Variants in CDK14 observed in about 807,000 individuals in gnomAD.
CDK14 encodes the protein cyclin-dependent kinase 14.
CDK14 carries 34 observed loss-of-function variants against 60.7 expected under a neutral mutation model. The observed-to-expected ratio is 0.56, with a 90% CI of 0.43 to 0.75. The LOEUF is 0.75. CDK14 is among the 30% of genes least tolerant of loss of function. CDK14 has a pLI of 0.00. For missense variants in CDK14, 482 were observed against 564.1 expected (o/e 0.85, Z 1.47); for synonymous variants, 197 against 203.7 (o/e 0.97, Z 0.28).
chr7:90,845,483 CTT>C (rs1790436735), intron 5 of CDK14, among the ~76,000 whole-genome samples: 1 of 148,960 alleles, frequency 6.7e-6, no homozygotes, highest in East Asian at 1.9e-4. Context: ...TTGAATTACT[CTT>C]GTTTTGGTTT....
intron 2 of CDK14, among the ~76,000 whole-genome samples, chr7:90,634,461 C>T (rs1209198135): frequency 1.3e-5 from 2 of 151,640 alleles, no homozygotes; most frequent in Admixed American, 6.6e-5. Flanking sequence ...AGGACATGAA[C>T]TCATCATTTT....
At chr7:91,202,115 C>A (rs568604032) in intron 14 of CDK14, among the ~76,000 whole-genome samples, 2 of 152,294 alleles carry the variant, frequency 1.3e-5, no homozygotes, top group Middle Eastern at 3.4e-3. Context: ...CATTTTTCAT[C>A]TCCTCCATCA....
chr7:90,643,956 G>A (rs148354315), intron 2 of CDK14, among the ~76,000 whole-genome samples: 3 of 152,292 alleles, frequency 2.0e-5, no homozygotes, highest in East Asian at 3.9e-4. Context: ...GTATATTGAA[G>A]CGCCAGTCTC....
Position 90,975,388 on chromosome 7 carries a change from A to C in CDK14, c.948-8760A>C, listed in dbSNP as rs186998554. ...AATAATTTACATTTTCATTGGGTACATAGTGATGTTTTGATACATATAATG... is the reference window on the plus strand; with the variant it reads ...AATAATTTACATTTTCATTGGGTACCTAGTGATGTTTTGATACATATAATG... On this transcript the variant is annotated intron_variant, in intron 9 of 14. Coordinates refer to ENST00000380050, the MANE Select transcript of CDK14 (RefSeq NM_001287135.2). Among the ~76,000 whole-genome samples the C allele has an allele frequency of 2.4e-3, 371 of 151,984 alleles. 1 individual carries two copies. The highest frequency in any genetic ancestry group is 4.4e-3 in the Non-Finnish European group (301 of 67,946).
chr7:90,614,635 A>T (rs1324289370), intron 2 of CDK14, among the ~76,000 whole-genome samples: 5 of 152,148 alleles, frequency 3.3e-5, no homozygotes, highest in East Asian at 1.9e-4. Context: ...AATAAAAAAG[A>T]TGGCATCTCA....
intron 11 of CDK14, among the ~76,000 whole-genome samples, chr7:91,062,494 C>A (rs576449176): frequency 2.9e-4 from 44 of 152,156 alleles, no homozygotes; most frequent in African/African-American, 1.0e-3. Flanking sequence ...TCGTCGCTCA[C>A]GGTGGGAGCT....
rs538029007 is a variant in CDK14 at position 91,104,585 on chromosome 7, C to T, written c.1155-7957C>T. ...AACCATCCAAAAAGATTGTCCAGTT[C>T]CCTTTTGCTAACCTCTCTCACCCTC... On this transcript the variant is annotated intron_variant, in intron 12 of 14. Transcript: ENST00000380050. 7.9e-5 allele frequency among the ~76,000 whole-genome samples: 12 copies of T among 152,268 alleles called. No individual in the cohort carries two copies. In the East Asian group the frequency reaches 2.1e-3, roughly 27 times the overall value.
intron 6 of CDK14, among the ~76,000 whole-genome samples, chr7:90,877,201 TTTAA>T (rs1192850996): frequency 1.3e-5 from 2 of 152,246 alleles, no homozygotes; most frequent in African/African-American, 2.4e-5. Context: ...GATTTTAAAA[TTTAA>T]TTATTCAGAA....
rs1049132147 is a variant in CDK14, at chr7:91,210,432, C to A, written c.*3296C>A. 1 of 152,368 alleles carries A rather than the reference C, an allele frequency of 6.6e-6. No individual in the cohort carries two copies. Among genetic ancestry groups the A allele is most frequent in the Non-Finnish European group, 1.5e-5 (1 of 68,004 alleles). 9.4% of individuals were successfully genotyped at this position (152,368 alleles called of 1,614,324 possible). A position where few individuals can be genotyped will look rare whatever the true frequency, so the allele number is the denominator to read the frequency against. On this transcript the variant is annotated 3_prime_UTR_variant, in exon 15 of 15. Transcript: ENST00000380050. ...TAGCATTATTCAGAAAACTATTATA[C>A]TTTCAAATGACACATAGTAAGGAGA...
At chr7:91,185,442 A>C (rs992496290) in intron 14 of CDK14, among the ~76,000 whole-genome samples, 2 of 152,130 alleles carry the variant, frequency 1.3e-5, no homozygotes, top group African/African-American at 2.4e-5. Flanking sequence ...CAATAGAACT[A>C]CACAATATAA....
chr7:90,779,693 A>G (rs772305832), intron 4 of CDK14, among the ~76,000 whole-genome samples: 1 of 152,162 alleles, frequency 6.6e-6, no homozygotes, highest in African/African-American at 2.4e-5. Flanking sequence ...TATTTCATCT[A>G]TATTCATTCC....
intron 5 of CDK14, among the ~76,000 whole-genome samples, chr7:90,862,258 A>T (rs575480876): frequency 6.6e-6 from 1 of 152,192 alleles, no homozygotes; most frequent in Non-Finnish European, 1.5e-5. Context: ...GGCAAAATGC[A>T]TTAAAAATAT....
intron 5 of CDK14, among the ~76,000 whole-genome samples, chr7:90,807,040 G>A (rs894992860): frequency 6.6e-6 from 1 of 152,220 alleles, no homozygotes; most frequent in Non-Finnish European, 1.5e-5. Flanking sequence ...CACCTCTGGG[G>A]GCAGGGCATA....
intron 14 of CDK14, among the ~76,000 whole-genome samples, chr7:91,150,709 T>C (rs931295674): frequency 2.0e-5 from 3 of 152,206 alleles, no homozygotes; most frequent in Non-Finnish European, 4.4e-5. Flanking sequence ...GAAAACTATT[T>C]TCAAGCATGT....
At chr7:91,035,150 C>A (rs1267090964) in intron 10 of CDK14, among the ~76,000 whole-genome samples, 1 of 152,144 alleles carries the variant, frequency 6.6e-6, no homozygotes, top group Non-Finnish European at 1.5e-5. Context: ...CCCACTTCTC[C>A]CTGTCTACCC....
At chr7:91,187,319 A>G (rs1483876172) in intron 14 of CDK14, among the ~76,000 whole-genome samples, 2 of 152,324 alleles carry the variant, frequency 1.3e-5, no homozygotes, top group Non-Finnish European at 1.5e-5. Flanking sequence ...GGCATATATC[A>G]TGGGGACTAT....
At chr7:90,971,507 G>A (rs1437711548) in intron 9 of CDK14, among the ~76,000 whole-genome samples, 2 of 152,250 alleles carry the variant, frequency 1.3e-5, no homozygotes, top group East Asian at 3.9e-4. Flanking sequence ...AATATCTGGT[G>A]TTTTGTAGAT....
chr7:91,165,325 A>G (rs761154409), intron 14 of CDK14, among the ~76,000 whole-genome samples: 1 of 152,178 alleles, frequency 6.6e-6, no homozygotes, highest in Non-Finnish European at 1.5e-5. Flanking sequence ...AGTTTGTGCC[A>G]TTTATCTGTC....
At chr7:90,706,003 C>G (rs2116628278) in intron 2 of CDK14, among the ~76,000 whole-genome samples, 1 of 152,230 alleles carries the variant, frequency 6.6e-6, no homozygotes, top group African/African-American at 2.4e-5. Context: ...TAAAGACAGG[C>G]ATTTCAAAGG....
Sources: allele counts gnomAD v4.1 joint callset (sites outside exome capture counted in the v4.1 genomes callset), GRCh38; gene constraint gnomAD v4.1.1; transcripts MANE v1.5; gene names NCBI Gene and HGNC (gene_info 2026-07-23, HGNC 2026-07-21).